Variants in ZC3H12B observed in about 807,000 individuals in gnomAD.
ZC3H12B encodes the protein probable ribonuclease ZC3H12B.
A neutral mutation model predicts 43.9 loss-of-function variants in ZC3H12B; 7 were observed. The observed-to-expected ratio is 0.16, with a 90% CI of 0.09 to 0.30. The LOEUF (loss-of-function observed/expected upper bound fraction) is 0.30, where lower values mean the gene tolerates loss of function less well. Ranked by LOEUF, ZC3H12B falls within the 10% of genes least tolerant of loss-of-function variation. The pLI is 1.00. For missense variants in ZC3H12B, 475 were observed against 670.2 expected, an observed-to-expected ratio of 0.71 and a Z score of 3.22; for synonymous variants, 222 against 241.7, an observed-to-expected ratio of 0.92 and a Z score of 0.76.
At chrX:65,152,094 A>G in the ZC3H12B span, among the ~76,000 whole-genome samples, 1 of 111,660 alleles carries the variant, frequency 9.0e-6, no homozygotes, top group South Asian at 3.7e-4. Flanking sequence ...AAATAATAAG[A>G]GCTATCTATG....
At chrX:65,329,272 T>A in the ZC3H12B span, among the ~76,000 whole-genome samples, 35 of 111,440 alleles carry the variant, frequency 3.1e-4, no homozygotes, top group African/African-American at 1.1e-3. Context: ...CTCATTGTGG[T>A]TTTGATTTGC....
At chrX:65,322,429 C>A in the ZC3H12B span, among the ~76,000 whole-genome samples, 2 of 112,244 alleles carry the variant, frequency 1.8e-5, no homozygotes, top group African/African-American at 3.2e-5. Context: ...TGGTGTGACA[C>A]AAGCTACTAA....
At chrX:65,137,222 A>T in the ZC3H12B span, among the ~76,000 whole-genome samples, 1 of 112,402 alleles carries the variant, frequency 8.9e-6, no homozygotes, top group East Asian at 2.8e-4. Flanking sequence ...AAATCTTAGC[A>T]TATCTGTTTA....
At chrX:65,269,376 A>G in the ZC3H12B span, among the ~76,000 whole-genome samples, 4 of 110,597 alleles carry the variant, frequency 3.6e-5, no homozygotes, top group Non-Finnish European at 7.6e-5. Flanking sequence ...AAAAAAAAAA[A>G]GGAAAGAAAG....
chrX:65,100,337 C>T, the ZC3H12B span, among the ~76,000 whole-genome samples: 1 of 108,314 alleles, frequency 9.2e-6, no homozygotes, highest in Non-Finnish European at 1.9e-5. Context: ...GGAGAACTTC[C>T]ACAACCTAGC....
chrX:65,393,792 T>C (rs904669764), intron 2 of ZC3H12B, among the ~76,000 whole-genome samples: 1 of 112,132 alleles, frequency 8.9e-6, no homozygotes, highest in Non-Finnish European at 1.9e-5. Context: ...AACACAATGG[T>C]TGAACTAATT....
the ZC3H12B span, among the ~76,000 whole-genome samples, chrX:65,252,655 G>A: frequency 1.9e-4 from 21 of 111,551 alleles, no homozygotes; most frequent in East Asian, 5.9e-3. Context: ...TCTCCATTTA[G>A]CCTCTCAATA....
the ZC3H12B span, among the ~76,000 whole-genome samples, chrX:65,321,424 G>T: frequency 8.9e-6 from 1 of 111,808 alleles, no homozygotes; most frequent in East Asian, 2.8e-4. Context: ...GGTTACAGAG[G>T]AAAAGGAATG....
At chrX:65,156,220 C>A in the ZC3H12B span, among the ~76,000 whole-genome samples, 1 of 110,657 alleles carries the variant, frequency 9.0e-6, no homozygotes, top group Non-Finnish European at 1.9e-5. Context: ...AAGACAGGGT[C>A]TTGCTGTGTC....
chrX:65,193,257 G>T, the ZC3H12B span, among the ~76,000 whole-genome samples: 1 of 110,766 alleles, frequency 9.0e-6, no homozygotes, highest in Non-Finnish European at 1.9e-5. Flanking sequence ...TTAAATGTTT[G>T]GTGAGATTCA....
the ZC3H12B span, among the ~76,000 whole-genome samples, chrX:65,240,031 G>C: frequency 2.2e-3 from 250 of 111,382 alleles, 2 homozygotes; most frequent in African/African-American, 7.6e-3. Context: ...CAATCTTGAA[G>C]AATCTGATGA....
the ZC3H12B span, among the ~76,000 whole-genome samples, chrX:65,227,038 G>C: frequency 9.0e-6 from 1 of 111,024 alleles, no homozygotes. Flanking sequence ...GGACCTAATA[G>C]ACGTCTACAG....
chrX:65,407,149 G>C (rs1454540869), intron 3 of ZC3H12B, among the ~76,000 whole-genome samples: 1 of 113,083 alleles, frequency 8.8e-6, no homozygotes, highest in East Asian at 2.8e-4. Flanking sequence ...AAAGAAAGAA[G>C]ACTGAGGAAG....
At chrX:65,204,333 A>C in the ZC3H12B span, among the ~76,000 whole-genome samples, 1 of 111,902 alleles carries the variant, frequency 8.9e-6, no homozygotes, top group Non-Finnish European at 1.9e-5. Flanking sequence ...TTTCATCTGA[A>C]TTATTCTATT....
At chrX:65,328,545 T>C in the ZC3H12B span, 1 of 192,922 alleles carries the variant, frequency 5.2e-6, no homozygotes. Context: ...TGTATCACAT[T>C]GTCTTTATTT....
chrX:65,356,548 A>T, the ZC3H12B span, among the ~76,000 whole-genome samples: 1 of 112,326 alleles, frequency 8.9e-6, no homozygotes, highest in African/African-American at 3.2e-5. Context: ...TAATTGCCAA[A>T]AAAATTCCTT....
the ZC3H12B span, among the ~76,000 whole-genome samples, chrX:65,075,329 C>T: frequency 8.9e-6 from 1 of 112,230 alleles, no homozygotes; most frequent in African/African-American, 3.2e-5. Flanking sequence ...GGTCAGACCC[C>T]AAAAAGCTAT....
In ZC3H12B at chrX:65,491,767, T is replaced by C. The variant is rs1191640193; in HGVS notation, c.608+2358T>C. Among the ~76,000 whole-genome samples, 5 of 107,784 alleles carry C rather than the reference T, an allele frequency of 4.6e-5. No homozygotes were observed. The East Asian group carries it at 1.1e-3, about 25-fold the overall frequency. The allele number at this position is 107,784 out of a possible 115,157, so 93.6% of individuals were successfully genotyped here. ...ATTTGCTAGTATCAGAGAATGCATT[T>C]ACAGATTTCCTTTTTCAATTTTTTA... On this transcript the variant is annotated intron_variant, in intron 1 of 4. Transcript: ENST00000338957.
At chrX:65,450,843 A>G (rs200657104) in intron 3 of ZC3H12B, among the ~76,000 whole-genome samples, 2 of 80,405 alleles carry the variant, frequency 2.5e-5, no homozygotes, top group Non-Finnish European at 4.4e-5. Context: ...GTATATATGT[A>G]TATATATACA....
Sources: allele counts gnomAD v4.1 joint callset (sites outside exome capture counted in the v4.1 genomes callset), GRCh38; gene constraint gnomAD v4.1.1; transcripts MANE v1.5; gene names NCBI Gene and HGNC (gene_info 2026-07-23, HGNC 2026-07-21).